Variants in COL27A1 observed in about 807,000 individuals in gnomAD.
The protein encoded by COL27A1 is collagen type XXVII alpha 1 chain.
Under a neutral mutation model 251.3 loss-of-function variants are expected in COL27A1, and 106 were observed. The ratio of observed to expected loss-of-function variants is 0.42; its 90% CI spans 0.36 to 0.50. The LOEUF (loss-of-function observed/expected upper bound fraction) is 0.50, where lower values mean the gene tolerates loss of function less well. COL27A1 is among the 20% of genes least tolerant of loss of function. The pLI, the probability that COL27A1 is intolerant of heterozygous loss-of-function variation, is 0.00. For synonymous variants in COL27A1, 1,000 were observed against 986.3 expected, an observed-to-expected ratio of 1.01 and a Z score of -0.26; for missense variants, 2,325 against 2,522.8, an observed-to-expected ratio of 0.92 and a Z score of 1.68.
chr9:114,189,222 T>C (rs1207222667), intron 5 of COL27A1, among the ~76,000 whole-genome samples: 1 of 152,218 alleles, frequency 6.6e-6, no homozygotes, highest in Non-Finnish European at 1.5e-5. Flanking sequence ...TAAAACCATC[T>C]GGAATTCATG....
chr9:114,249,962 T>C (rs1433770969), intron 24 of COL27A1, among the ~76,000 whole-genome samples: 1 of 152,184 alleles, frequency 6.6e-6, no homozygotes, highest in Non-Finnish European at 1.5e-5. Flanking sequence ...CCACCCTCGC[T>C]GCGCGTGTGC....
At chr9:114,219,875 C>T (rs765621982) in intron 13 of COL27A1, 31 bp downstream of exon 13, 36 of 1,545,388 alleles carry the variant, frequency 2.3e-5, no homozygotes, top group Middle Eastern at 3.4e-4. Flanking sequence ...GGAACAGGAG[C>T]GAGATTCTGA....
chr9:114,279,300 C>T (rs1312252818), intron 37 of COL27A1, among the ~76,000 whole-genome samples: 5 of 152,172 alleles, frequency 3.3e-5, no homozygotes, highest in South Asian at 2.1e-4. Flanking sequence ...AGCTCCAAAA[C>T]GGGATAAATA....
In COL27A1 at chr9:114,288,960, G is replaced by T; in HGVS notation, c.4145G>T (p.Gly1382Val). The T allele has an allele frequency of 6.2e-7, 1 of 1,613,724 alleles. No homozygotes were observed. The highest frequency in any genetic ancestry group is 8.5e-7 in the Non-Finnish European group (1 of 1,180,012). The change falls in exon 44 of 61, where the codon GGC becomes GTC. Residue 1382 changes from glycine (G) to valine (V), a missense_variant. Coordinates refer to ENST00000356083, the MANE Select transcript of COL27A1 (RefSeq NM_032888.4). ...CTCCGTGGAAAGCCAGGCCAGCAGGGCCAACCCGTGAGTGGTGCTTCGTGT... is the reference window on the plus strand; with the variant it reads ...CTCCGTGGAAAGCCAGGCCAGCAGGTCCAACCCGTGAGTGGTGCTTCGTGT... ...QGLRGKPGQQ[G>V]QPGHPGPRGW... is the part of the protein sequence containing the mutation.
Position 114,266,546 on chromosome 9 carries a change from GTGTC to G in COL27A1, c.3394-9_3394-6del, listed in dbSNP as rs1554820586. ...AGGCTGACCTCTCCCAACTGTCTGT[GTGTC>G]TGTCTGTCTTCCAGGGCCCTCAGGG... On this transcript the variant is annotated splice_polypyrimidine_tract_variant and intron_variant, in intron 32 of 60. Transcript: ENST00000356083. The G allele has an allele frequency of 6.2e-7, 1 of 1,612,424 alleles. No homozygotes were observed. The highest frequency in any genetic ancestry group is 1.3e-5 in the African/African-American group (1 of 75,008).
At chr9:114,166,444 TATCCATCC>T (rs112047520) in intron 2 of COL27A1, among the ~76,000 whole-genome samples, 4 of 140,954 alleles carry the variant, frequency 2.8e-5, no homozygotes, top group East Asian at 4.4e-4. Flanking sequence ...TCCATTCATC[TATCCATCC>T]ATCCATCCAT....
chr9:114,163,093 G>A (rs1168608082), intron 2 of COL27A1, among the ~76,000 whole-genome samples: 1 of 152,124 alleles, frequency 6.6e-6, no homozygotes, highest in East Asian at 1.9e-4. Flanking sequence ...AATTAGCTGG[G>A]TGTGGTGGCA....
rs186527409 is a variant in COL27A1 at position 114,197,635 on chromosome 9, G to T, written c.2124+1623G>T. 5.4e-3 allele frequency among the ~76,000 whole-genome samples: 828 copies of T among 152,308 alleles called. 6 individuals carry two copies. Among genetic ancestry groups the T allele is most frequent in the African/African-American group, 0.019 (787 of 41,564 alleles). Reference sequence around the variant, plus strand: ...AGACTGGAACCAGCTCCTCCCTGGGGTGCCAGGGCTCCTTGCATTAAGCAG... The same window carrying T: ...AGACTGGAACCAGCTCCTCCCTGGGTTGCCAGGGCTCCTTGCATTAAGCAG... On this transcript the variant is annotated intron_variant, in intron 7 of 60. Transcript: ENST00000356083.
intron 17 of COL27A1, 61 bp from the exon 18 acceptor site, chr9:114,236,920 G>A (rs547568923): frequency 1.9e-5 from 28 of 1,510,386 alleles, no homozygotes; most frequent in African/African-American, 5.5e-5. Context: ...AGGACTGGGC[G>A]GCTGTTCACC....
At chr9:114,216,066 C>T (rs900081982) in intron 12 of COL27A1, among the ~76,000 whole-genome samples, 2 of 152,252 alleles carry the variant, frequency 1.3e-5, no homozygotes, top group Non-Finnish European at 2.9e-5. Context: ...TGGCATCCTG[C>T]TTTGGATGTG....
rs58004565 is a variant in COL27A1 at position 114,165,649 on chromosome 9, TATCCATCC to T, written c.134-2012_134-2005del. ...TCTACTATCCATTTATCCATCCATT[TATCCATCC>T]ATCCATCCATCCATCCATCCATCCA... On this transcript the variant is annotated intron_variant, in intron 2 of 60. Coordinates refer to ENST00000356083, the MANE Select transcript of COL27A1 (RefSeq NM_032888.4). Among the ~76,000 whole-genome samples the T allele has an allele frequency of 3.0e-3, 411 of 136,550 alleles. 5 individuals carry two copies. The highest frequency in any genetic ancestry group is 0.028 in the South Asian group (112 of 3,942). The allele number at this position is 136,550 out of a possible 152,430, so 89.6% of individuals were successfully genotyped here. A position where few individuals can be genotyped will look rare whatever the true frequency, so the allele number is the denominator to read the frequency against.
At chr9:114,197,321 T>A (rs1429422514) in intron 7 of COL27A1, among the ~76,000 whole-genome samples, 1 of 152,048 alleles carries the variant, frequency 6.6e-6, no homozygotes, top group East Asian at 1.9e-4. Context: ...CAGGACCTCG[T>A]TCCCCCATTC....
At chr9:114,206,212 G>A (rs184161519) in intron 9 of COL27A1, 40 bp from the exon 10 acceptor site, 175 of 1,605,164 alleles carry the variant, frequency 1.1e-4, no homozygotes, top group East Asian at 1.0e-3. Flanking sequence ...CAGGTAGAGC[G>A]TCTCCATATG....
At chr9:114,260,754 CTG>C (rs1834260574) in intron 28 of COL27A1, among the ~76,000 whole-genome samples, 1 of 152,174 alleles carries the variant, frequency 6.6e-6, no homozygotes, top group South Asian at 2.1e-4. Context: ...AATGAGGACT[CTG>C]GGGTCAGATG....
In COL27A1 at chr9:114,206,307, C is replaced by A; in HGVS notation, c.2268+11C>A. ...CCCAAAGGCAGCAGGGTAAGTGGTT[C>A]CTGGCCAGTGCCACATGGGTGGGGT... On this transcript the variant is annotated intron_variant, in intron 10 of 60. Transcript: ENST00000356083. 1.2e-6 allele frequency: 2 copies of A among 1,614,040 alleles called. No individual in the cohort carries two copies. Among genetic ancestry groups the A allele is most frequent in the South Asian group, 1.1e-5 (1 of 91,084 alleles).
At position 114,284,720 on chromosome 9, in the gene COL27A1, G is replaced by A. The variant is rs778683382; in HGVS notation, c.3934-4G>A. On this transcript the variant is annotated splice_polypyrimidine_tract_variant and splice_region_variant and intron_variant, in intron 40 of 60. Coordinates refer to ENST00000356083, the MANE Select transcript of COL27A1 (RefSeq NM_032888.4). ...TCACTTCCCTCCTTCTTGTTTGCCT[G>A]CAGGGACACAAAGGCATTGTGGGAC... The A allele has an allele frequency of 5.6e-6, 9 of 1,614,062 alleles. No individual in the cohort carries two copies. The highest frequency in any genetic ancestry group is 5.1e-6 in the Non-Finnish European group (6 of 1,180,012).
chr9:114,226,287 A>T (rs141333352), intron 14 of COL27A1, among the ~76,000 whole-genome samples: 45 of 152,264 alleles, frequency 3.0e-4, no homozygotes, highest in Middle Eastern at 3.4e-3. Flanking sequence ...TTGTCTGTAA[A>T]GCAAAGTTAG....
chr9:114,162,077 G>A (rs1284434423), intron 1 of COL27A1, among the ~76,000 whole-genome samples: 1 of 152,254 alleles, frequency 6.6e-6, no homozygotes, highest in African/African-American at 2.4e-5. Flanking sequence ...ACGTGGCTCT[G>A]TCTAACTCCC....
At chr9:114,156,277 G>A (rs1405760537) in intron 1 of COL27A1, among the ~76,000 whole-genome samples, 2 of 151,242 alleles carry the variant, frequency 1.3e-5, no homozygotes, top group East Asian at 4.0e-4. Flanking sequence ...GGGGGTCGGG[G>A]GTGGGGGTGG....
Sources: gnomAD v4.1 joint callset for allele counts (sites outside exome capture counted in the v4.1 genomes callset) on GRCh38, gnomAD v4.1.1 for gene constraint, MANE v1.5 for transcripts, NCBI Gene and HGNC (gene_info 2026-07-23, HGNC 2026-07-21) for gene names.